The following LNP1 variants were observed in gnomAD, a reference collection of about 807,000 sequenced individuals.
LNP1 encodes leukemia NUP98 fusion partner 1.
LNP1 carries 12 observed loss-of-function variants against 14.5 expected under a neutral mutation model. The observed-to-expected ratio is 0.83, with a 90% CI of 0.53 to 1.34. The LOEUF is 1.34. Ranked by LOEUF, LNP1 falls within the 40% of genes most tolerant of loss-of-function variation. The pLI, the probability that LNP1 is intolerant of heterozygous loss-of-function variation, is 0.00. For missense variants in LNP1, 198 were observed against 210.9 expected (o/e 0.94, Z 0.38); for synonymous variants, 75 against 71.4 (o/e 1.05, Z -0.26).
At chr3:100,454,358 T>C (rs1246696667) in intron 3 of LNP1, among the ~76,000 whole-genome samples, 2 of 152,186 alleles carry the variant, frequency 1.3e-5, no homozygotes, top group Non-Finnish European at 2.9e-5. Context: ...TCCGAACATA[T>C]ACAGATACAC....
chr3:100,428,819 C>T (rs1050133707), intron 1 of LNP1, among the ~76,000 whole-genome samples: 2 of 152,170 alleles, frequency 1.3e-5, no homozygotes, highest in African/African-American at 2.4e-5. Flanking sequence ...ACTGCAAAAA[C>T]ATGGATATAT....
At chr3:100,422,757 A>G (rs1707156533) in intron 1 of LNP1, among the ~76,000 whole-genome samples, 1 of 150,724 alleles carries the variant, frequency 6.6e-6, no homozygotes, top group Non-Finnish European at 1.5e-5. Flanking sequence ...TATATAACCA[A>G]TATTTTATAG....
In LNP1 at chr3:100,451,914, C is replaced by G. The variant is rs952181433; in HGVS notation, c.352C>G (p.Gln118Glu). Reference sequence around the variant, plus strand: ...GAAATTTTCAGAGTCCTTTGAACGGCAACTGTGCTTTAGAACCAAGCGTTC... The same window carrying G: ...GAAATTTTCAGAGTCCTTTGAACGGGAACTGTGCTTTAGAACCAAGCGTTC... The part of the protein sequence containing the change: ...IEKFSESFER[Q>E]LCFRTKRSAS... Residue 118 changes from glutamine (Q) to glutamate (E), a missense_variant, in exon 3 of 4, where the codon CAA (glutamine) becomes GAA (glutamate). Physicochemically the swap from Gln to Glu is conservative, Grantham distance 29. Coordinates refer to ENST00000383693, the MANE Select transcript of LNP1 (RefSeq NM_001085451.2). 6.2e-7 allele frequency: 1 copy of G among 1,613,650 alleles called. No homozygotes were observed. Among genetic ancestry groups the G allele is most frequent in the African/African-American group, 1.3e-5 (1 of 74,908 alleles).
chr3:100,442,173 T>C (rs962028643), intron 2 of LNP1, among the ~76,000 whole-genome samples: 40 of 152,228 alleles, frequency 2.6e-4, no homozygotes, highest in African/African-American at 9.4e-4. Context: ...TCTTTTGTTT[T>C]AGTGTTCTAA....
intron 2 of LNP1, among the ~76,000 whole-genome samples, chr3:100,440,808 T>C (rs577829743): frequency 6.6e-6 from 1 of 152,270 alleles, no homozygotes; most frequent in South Asian, 2.1e-4. Context: ...TTAATGACAG[T>C]TGTGATAAGT....
At chr3:100,408,208 C>G (rs1365938040) in intron 1 of LNP1, among the ~76,000 whole-genome samples, 1 of 152,182 alleles carries the variant, frequency 6.6e-6, no homozygotes, top group Admixed American at 6.5e-5. Context: ...TTCCAGCCCT[C>G]ACAATCTGGC....
chr3:100,449,796 T>A (rs1195723920), intron 2 of LNP1, among the ~76,000 whole-genome samples: 1 of 152,202 alleles, frequency 6.6e-6, no homozygotes, highest in African/African-American at 2.4e-5. Flanking sequence ...ACCTTTTAAA[T>A]CTTATTACCA....
rs547597917 is a variant in LNP1 at position 100,427,157 on chromosome 3, C to G, written c.-33-2540C>G. ...TAAAGCCTTGTTCTAGCTCTTGGAA[C>G]TGACTTAACAAAAACGTTAAAAGTT... On this transcript the variant is annotated intron_variant, in intron 1 of 3. Transcript: ENST00000383693. Among the ~76,000 whole-genome samples, 5 of 152,028 alleles carry G rather than the reference C, an allele frequency of 3.3e-5. No homozygotes were observed. The East Asian group carries it at 7.8e-4, about 24-fold the overall frequency.
intron 1 of LNP1, among the ~76,000 whole-genome samples, chr3:100,418,519 T>TGAA (rs764098009): frequency 6.6e-6 from 1 of 152,178 alleles, no homozygotes; most frequent in African/African-American, 2.4e-5. Context: ...TACCTTGATA[T>TGAA]TTTCTGTCCC....
chr3:100,432,388 T>G (rs1323433785), intron 2 of LNP1, among the ~76,000 whole-genome samples: 1 of 152,106 alleles, frequency 6.6e-6, no homozygotes, highest in East Asian at 1.9e-4. Flanking sequence ...TTTAACATAT[T>G]TATTGAACAC....
intron 1 of LNP1, among the ~76,000 whole-genome samples, chr3:100,416,597 T>TGTGTGTG (rs1559840688): frequency 9.0e-6 from 1 of 110,586 alleles, no homozygotes; most frequent in Non-Finnish European, 2.0e-5. Context: ...AGTATATCTT[T>TGTGTGTG]TTTGTGTGTG....
At chr3:100,455,227 T>C (rs1166887437) in intron 3 of LNP1, among the ~76,000 whole-genome samples, 2 of 152,238 alleles carry the variant, frequency 1.3e-5, no homozygotes, top group Non-Finnish European at 2.9e-5. Flanking sequence ...TTATATCTCC[T>C]GATCCTACAA....
chr3:100,408,491 A>C (rs1343405915), intron 1 of LNP1, among the ~76,000 whole-genome samples: 3 of 152,232 alleles, frequency 2.0e-5, no homozygotes, highest in African/African-American at 7.2e-5. Context: ...ACTGGGGTAC[A>C]TCTGAAGCTT....
At chr3:100,424,856 C>T (rs984465864) in intron 1 of LNP1, among the ~76,000 whole-genome samples, 7 of 152,072 alleles carry the variant, frequency 4.6e-5, no homozygotes, top group Non-Finnish European at 1.0e-4. Flanking sequence ...CAGTAGTGTC[C>T]CACGACACAG....
intron 3 of LNP1, among the ~76,000 whole-genome samples, chr3:100,454,432 C>A (rs902880297): frequency 1.3e-5 from 2 of 152,110 alleles, no homozygotes; most frequent in African/African-American, 4.8e-5. Context: ...AGAAAGTGTT[C>A]TTTTTCAGTA....
chr3:100,411,495 C>G (rs1576225758), intron 1 of LNP1, among the ~76,000 whole-genome samples: 2 of 152,328 alleles, frequency 1.3e-5, no homozygotes, highest in South Asian at 4.1e-4. Context: ...ATGCCCCACT[C>G]TTAGTACCAA....
intron 1 of LNP1, among the ~76,000 whole-genome samples, chr3:100,424,664 T>A (rs568140871): frequency 2.0e-5 from 3 of 152,310 alleles, no homozygotes; most frequent in Non-Finnish European, 4.4e-5. Context: ...ACCACTCTTA[T>A]AATTTAAGGA....
chr3:100,417,645 C>G (rs561629437), intron 1 of LNP1, among the ~76,000 whole-genome samples: 1 of 152,062 alleles, frequency 6.6e-6, no homozygotes, highest in Non-Finnish European at 1.5e-5. Flanking sequence ...CTTCAAAATG[C>G]TGGGATTACA....
At chr3:100,432,659 GTC>G (rs1450208585) in intron 2 of LNP1, among the ~76,000 whole-genome samples, 1 of 152,146 alleles carries the variant, frequency 6.6e-6, no homozygotes, top group Non-Finnish European at 1.5e-5. Context: ...ATAATATGAA[GTC>G]TCTCATTATT....
Sources: gnomAD v4.1 joint callset for allele counts (sites outside exome capture counted in the v4.1 genomes callset) on GRCh38, gnomAD v4.1.1 for gene constraint, MANE v1.5 for transcripts, NCBI Gene and HGNC (gene_info 2026-07-23, HGNC 2026-07-21) for gene names.